NCOA2: variants seen among roughly 807,000 people sequenced by gnomAD.
The protein encoded by NCOA2 is class E basic helix-loop-helix protein 75.
A neutral mutation model predicts 145.1 loss-of-function variants in NCOA2; 21 were observed. The ratio of observed to expected loss-of-function variants is 0.14; its 90% CI spans 0.10 to 0.21. The LOEUF (loss-of-function observed/expected upper bound fraction) is 0.21. Among genes scored for constraint, NCOA2 ranks in the 10% least tolerant of loss-of-function variants. The pLI, the probability that NCOA2 is intolerant of heterozygous loss-of-function variation, is 1.00. For synonymous variants in NCOA2, 619 were observed against 637.5 expected (o/e 0.97, Z 0.44); for missense variants, 1,472 against 1,837.6 (o/e 0.80, Z 3.64).
chr8:70,166,898 T>C (rs1813676929), intron 6 of NCOA2, 144 bp from the exon 7 acceptor site: 3 of 758,180 alleles, frequency 4.0e-6, no homozygotes, highest in Admixed American at 3.1e-5. Context: ...TTTCATAATC[T>C]AGAGGAGGAA....
intron 2 of NCOA2, among the ~76,000 whole-genome samples, chr8:70,246,120 AAC>A (rs764817243): frequency 6.6e-6 from 1 of 152,168 alleles, no homozygotes; most frequent in Non-Finnish European, 1.5e-5. Flanking sequence ...CAACTCTGAA[AAC>A]ACATATCTGG....
chr8:70,155,402 G>A (rs897635927), intron 11 of NCOA2, among the ~76,000 whole-genome samples: 15 of 152,142 alleles, frequency 9.9e-5, no homozygotes, highest in African/African-American at 2.4e-4. Flanking sequence ...ATTCAATTAC[G>A]TCTGTTCTGA....
intron 1 of NCOA2, among the ~76,000 whole-genome samples, chr8:70,390,999 C>T (rs566779357): frequency 7.9e-5 from 12 of 152,050 alleles, no homozygotes; most frequent in Admixed American, 2.0e-4. Flanking sequence ...GAGGGCTCTA[C>T]CACACTTCTA....
intron 4 of NCOA2, among the ~76,000 whole-genome samples, chr8:70,176,303 C>T (rs1814843301): frequency 6.6e-6 from 1 of 152,152 alleles, no homozygotes; most frequent in Non-Finnish European, 1.5e-5. Context: ...CCTGATTCAC[C>T]TCTTTAGATC....
Position 70,131,936 on chromosome 8 carries a change from A to T in NCOA2, c.3225T>A (p.Asp1075Glu). The T allele has an allele frequency of 1.2e-6, 2 of 1,611,268 alleles. No individual in the cohort carries two copies. Among genetic ancestry groups the T allele is most frequent in the Non-Finnish European group, 1.7e-6 (2 of 1,178,828 alleles). ...CPHPAAESPS[D>E]EGALLDQLYL... The stretch of plus-strand genomic sequence containing the variant: ...ACAGCTGGTCCAGGAGAGCTCCCTC[A>T]TCACTCGGAGACTCAGCTGCAGGAT... The change falls in exon 16 of 23, where the codon GAT becomes GAA. Residue 1075 changes from aspartate to glutamate, a missense_variant. Transcript: ENST00000452400.
At chr8:70,124,244 G>A (rs372901094) in intron 20 of NCOA2, among the ~76,000 whole-genome samples, 162 bp from the exon 21 acceptor site, 1 of 152,178 alleles carries the variant, frequency 6.6e-6, no homozygotes, top group Non-Finnish European at 1.5e-5. Context: ...TGCTGAAGCC[G>A]AGACAGCAGG....
intron 2 of NCOA2, among the ~76,000 whole-genome samples, chr8:70,286,432 C>T (rs773995232): frequency 6.6e-5 from 10 of 152,036 alleles, no homozygotes; most frequent in Non-Finnish European, 1.2e-4. Context: ...GTGGTCAAAC[C>T]CTTGCTAGAA....
intron 11 of NCOA2, among the ~76,000 whole-genome samples, chr8:70,155,099 T>C (rs1233188770): frequency 1.3e-5 from 2 of 152,240 alleles, no homozygotes; most frequent in Non-Finnish European, 2.9e-5. Flanking sequence ...TAAGGTATCC[T>C]GGATTTTTTC....
intron 1 of NCOA2, among the ~76,000 whole-genome samples, chr8:70,383,097 A>G (rs1484878983): frequency 2.6e-5 from 4 of 152,226 alleles, no homozygotes; most frequent in Non-Finnish European, 4.4e-5. Context: ...CTCTGGACAG[A>G]GCGCCCAGAG....
At chr8:70,314,344 A>G (rs1056400284) in intron 1 of NCOA2, among the ~76,000 whole-genome samples, 2 of 152,102 alleles carry the variant, frequency 1.3e-5, no homozygotes, top group African/African-American at 4.8e-5. Flanking sequence ...CTATGGACTA[A>G]AATTATATAA....
At chr8:70,318,695 G>C (rs1292111895) in intron 1 of NCOA2, among the ~76,000 whole-genome samples, 1 of 152,258 alleles carries the variant, frequency 6.6e-6, no homozygotes, top group Non-Finnish European at 1.5e-5. Flanking sequence ...AGCCCAGGAG[G>C]TTGAGGCTGC....
At chr8:70,220,424 T>G (rs1342810130) in intron 2 of NCOA2, among the ~76,000 whole-genome samples, 1 of 152,202 alleles carries the variant, frequency 6.6e-6, no homozygotes, top group Admixed American at 6.5e-5. Context: ...AAAAAAAGTT[T>G]CAAATCATCC....
chr8:70,151,594 C>T (rs183139200), intron 11 of NCOA2, among the ~76,000 whole-genome samples: 1 of 152,240 alleles, frequency 6.6e-6, no homozygotes, highest in African/African-American at 2.4e-5. Context: ...GGCCTAAATA[C>T]ATTTTTCTTA....
chr8:70,299,748 G>A (rs1365041186), intron 1 of NCOA2, among the ~76,000 whole-genome samples: 1 of 152,164 alleles, frequency 6.6e-6, no homozygotes, highest in Non-Finnish European at 1.5e-5. Context: ...AAAACAGTTT[G>A]GAAGTTTCTC....
intron 2 of NCOA2, among the ~76,000 whole-genome samples, chr8:70,258,076 C>T (rs1372730232): frequency 6.6e-6 from 1 of 152,036 alleles, no homozygotes; most frequent in Non-Finnish European, 1.5e-5. Flanking sequence ...CCACCATGCT[C>T]GGCTAATTTT....
At chr8:70,255,746 T>C (rs1487559585) in intron 2 of NCOA2, among the ~76,000 whole-genome samples, 2 of 152,166 alleles carry the variant, frequency 1.3e-5, no homozygotes, top group Non-Finnish European at 2.9e-5. Flanking sequence ...ACAATCACTA[T>C]AATCAATAGG....
rs572579725 is a variant in NCOA2, at chr8:70,206,335, C to T, written c.259+7568G>A. ...CTCTCTCACTGTCTTTCACCTCTGT[C>T]ATTTCCCCCTCTTCATTTCCTCCTG... is the stretch of plus-strand genomic sequence containing the variant. On this transcript the variant is annotated intron_variant, in intron 4 of 22. Transcript: ENST00000452400. Among the ~76,000 whole-genome samples the T allele has an allele frequency of 8.5e-4, 130 of 152,246 alleles. 1 individual carries two copies. Among genetic ancestry groups the T allele is most frequent in the African/African-American group, 3.0e-3 (126 of 41,538 alleles).
intron 1 of NCOA2, among the ~76,000 whole-genome samples, chr8:70,339,663 A>G (rs528687475): frequency 2.2e-4 from 34 of 152,366 alleles, no homozygotes; most frequent in African/African-American, 7.2e-4. Flanking sequence ...AGCTGGAGGC[A>G]TCACACTACC....
chr8:70,390,806 T>TAC (rs953127453), intron 1 of NCOA2, among the ~76,000 whole-genome samples: 2 of 151,814 alleles, frequency 1.3e-5, no homozygotes, highest in Non-Finnish European at 2.9e-5. Flanking sequence ...CATACATACA[T>TAC]ACACACACAC....
Sources: allele counts gnomAD v4.1 joint callset (sites outside exome capture counted in the v4.1 genomes callset), GRCh38; gene constraint gnomAD v4.1.1; transcripts MANE v1.5; gene names NCBI Gene and HGNC (gene_info 2026-07-23, HGNC 2026-07-21).